SEMA6D: variants seen among roughly 807,000 people sequenced by gnomAD.
SEMA6D encodes semaphorin-6D.
Under a neutral mutation model 106.6 loss-of-function variants are expected in SEMA6D, and 35 were observed. The observed-to-expected ratio is 0.33, with a 90% CI of 0.25 to 0.44. The LOEUF (loss-of-function observed/expected upper bound fraction) is 0.44. SEMA6D is among the 20% of genes least tolerant of loss of function. The pLI is 1.00. For synonymous variants in SEMA6D, 499 were observed against 487.7 expected (o/e 1.02, Z -0.31); for missense variants, 1,185 against 1,345.9 (o/e 0.88, Z 1.87).
intron 4 of SEMA6D, among the ~76,000 whole-genome samples, chr15:47,693,524 C>T (rs1406545086): frequency 6.6e-6 from 1 of 152,186 alleles, no homozygotes; most frequent in Non-Finnish European, 1.5e-5. Flanking sequence ...CATACTATCA[C>T]TGTGACAGTC....
chr15:47,648,717 T>G (rs781415664), intron 4 of SEMA6D, among the ~76,000 whole-genome samples: 1 of 152,206 alleles, frequency 6.6e-6, no homozygotes, highest in African/African-American at 2.4e-5. Context: ...CCCGATGTTT[T>G]TATGACTTGT....
chr15:47,452,335 A>AT (rs905745304), intron 2 of SEMA6D, among the ~76,000 whole-genome samples: 3 of 151,710 alleles, frequency 2.0e-5, no homozygotes, highest in African/African-American at 7.3e-5. Flanking sequence ...AAAAAAAAAA[A>AT]CTGGACTCAA....
rs749029325 is a variant in SEMA6D at position 47,768,577 on chromosome 15, A to G, written c.1766-4A>G. The G allele has an allele frequency of 1.4e-4, 219 of 1,598,710 alleles. No individual in the cohort carries two copies. Among genetic ancestry groups the G allele is most frequent in the Non-Finnish European group, 1.8e-4 (214 of 1,170,446 alleles). ...TATTAATAAAAATCTGTTTGCCACC[A>G]CAGACATGGAGGTATCTTCATCTTC... On this transcript the variant is annotated splice_polypyrimidine_tract_variant and splice_region_variant and intron_variant, in intron 17 of 18. Coordinates refer to ENST00000536845, the MANE Select transcript of SEMA6D (RefSeq NM_001358351.3).
chr15:47,347,194 T>C (rs1014421593), intron 1 of SEMA6D, among the ~76,000 whole-genome samples: 11 of 152,284 alleles, frequency 7.2e-5, no homozygotes, highest in African/African-American at 2.6e-4. Flanking sequence ...AGGCATGAGC[T>C]ACCACACCAA....
chr15:47,308,663 G>C (rs768308796), intron 1 of SEMA6D, among the ~76,000 whole-genome samples: 6 of 152,178 alleles, frequency 3.9e-5, no homozygotes, highest in Non-Finnish European at 8.8e-5. Flanking sequence ...GAAGAGTTGT[G>C]TTGAGCTCTT....
intron 1 of SEMA6D, among the ~76,000 whole-genome samples, chr15:47,317,427 AT>A (rs2036726342): frequency 1.3e-5 from 2 of 152,222 alleles, no homozygotes; most frequent in South Asian, 4.1e-4. Flanking sequence ...AATGTTTTTA[AT>A]TCTACTTTCA....
At chr15:47,347,374 G>A (rs1367750438) in intron 1 of SEMA6D, among the ~76,000 whole-genome samples, 4 of 152,122 alleles carry the variant, frequency 2.6e-5, no homozygotes, top group Admixed American at 2.6e-4. Flanking sequence ...ATTAGAGTAG[G>A]CTCTTCTGAA....
chr15:47,184,740 C>G (rs1461283455), intron 1 of SEMA6D, among the ~76,000 whole-genome samples: 1 of 152,202 alleles, frequency 6.6e-6, no homozygotes, highest in Non-Finnish European at 1.5e-5. Context: ...GGCTCGTGGC[C>G]CCACCTCTTG....
At chr15:47,578,061 C>T (rs532160046) in intron 3 of SEMA6D, among the ~76,000 whole-genome samples, 1 of 152,318 alleles carries the variant, frequency 6.6e-6, no homozygotes, top group South Asian at 2.1e-4. Flanking sequence ...AGGTAACCTT[C>T]TGAGATATGC....
chr15:47,381,705 T>G (rs562880340), intron 1 of SEMA6D, among the ~76,000 whole-genome samples: 3 of 152,284 alleles, frequency 2.0e-5, no homozygotes, highest in Admixed American at 6.5e-5. Context: ...GAAGAAAACA[T>G]ACAACTGTAT....
In SEMA6D at chr15:47,669,269, C is replaced by T. The variant is rs147674690; in HGVS notation, c.-55+68373C>T. 9.0e-3 allele frequency among the ~76,000 whole-genome samples: 1,364 copies of T among 152,286 alleles called. 23 individuals carry two copies. The highest frequency in any genetic ancestry group is 0.032 in the African/African-American group (1,320 of 41,552). On this transcript the variant is annotated intron_variant, in intron 4 of 19. Coordinates refer to the SEMA6D transcript ENST00000558014. The stretch of plus-strand genomic sequence containing the variant: ...TTTAAAATTTCCTCTCCACATTTTT[C>T]GCATATACATCTTTATCTCAGCACT...
At chr15:47,593,600 AT>A (rs2076481817) in intron 3 of SEMA6D, among the ~76,000 whole-genome samples, 1 of 152,026 alleles carries the variant, frequency 6.6e-6, no homozygotes, top group African/African-American at 2.4e-5. Context: ...GAGGGAAAAG[AT>A]TCCAGGGTGA....
chr15:47,632,279 G>T (rs1596486982), intron 4 of SEMA6D, among the ~76,000 whole-genome samples: 1 of 151,838 alleles, frequency 6.6e-6, no homozygotes, highest in African/African-American at 2.4e-5. Flanking sequence ...AGTCTATTCT[G>T]CTGTTTTGGG....
At chr15:47,708,827 G>A (rs950074238) in intron 4 of SEMA6D, among the ~76,000 whole-genome samples, 3 of 152,210 alleles carry the variant, frequency 2.0e-5, no homozygotes, top group Non-Finnish European at 4.4e-5. Flanking sequence ...GAAGACCCAA[G>A]TTCAAGGTCT....
At chr15:47,318,903 A>T (rs915933761) in intron 1 of SEMA6D, among the ~76,000 whole-genome samples, 1 of 151,376 alleles carries the variant, frequency 6.6e-6, no homozygotes, top group Non-Finnish European at 1.5e-5. Context: ...AAGTGTTCCT[A>T]TTTCTCCACA....
rs1457357582 is a variant in SEMA6D at position 47,765,972 on chromosome 15, C to T, written c.1531C>T (p.Pro511Ser). ...GTTCTCTAGCTGCATTATCCGCATCCCCCTCAGTCGCTGTGAGCGTTATGG... is the reference window on the plus strand; with the variant it reads ...GTTCTCTAGCTGCATTATCCGCATCTCCCTCAGTCGCTGTGAGCGTTATGG... The part of the protein sequence containing the change: ...VAFSSCIIRI[P>S]LSRCERYGSC... Residue 511 changes from proline to serine, a missense_variant, in exon 14 of 19, where the codon CCC (proline) becomes TCC (serine). By Grantham distance (74) the Pro-to-Ser change is moderately conservative. Coordinates refer to ENST00000536845, the MANE Select transcript of SEMA6D (RefSeq NM_001358351.3). 1.3e-6 allele frequency: 2 copies of T among 1,594,212 alleles called. No individual in the cohort carries two copies. Among genetic ancestry groups the T allele is most frequent in the Admixed American group, 1.7e-5 (1 of 58,046 alleles).
At chr15:47,704,493 C>A (rs757042377) in intron 4 of SEMA6D, among the ~76,000 whole-genome samples, 1 of 152,112 alleles carries the variant, frequency 6.6e-6, no homozygotes, top group Admixed American at 6.6e-5. Flanking sequence ...CCAAAATGGG[C>A]AGATCACTTG....
intron 1 of SEMA6D, among the ~76,000 whole-genome samples, chr15:47,731,120 A>G (rs2080093033): frequency 2.0e-5 from 3 of 152,206 alleles, no homozygotes; most frequent in African/African-American, 4.8e-5. Flanking sequence ...ACATTTTGCA[A>G]CACTTTGCCC....
At chr15:47,210,497 G>A (rs1033070543) in intron 1 of SEMA6D, among the ~76,000 whole-genome samples, 3 of 151,794 alleles carry the variant, frequency 2.0e-5, no homozygotes, top group South Asian at 2.1e-4. Flanking sequence ...AAGCCGGGCC[G>A]GGCGCAGTGG....
Sources: gnomAD v4.1 joint callset for allele counts (sites outside exome capture counted in the v4.1 genomes callset) on GRCh38, gnomAD v4.1.1 for gene constraint, MANE v1.5 for transcripts, NCBI Gene and HGNC (gene_info 2026-07-23, HGNC 2026-07-21) for gene names.